Variants in POMK observed in about 807,000 individuals in gnomAD.
POMK encodes Sugen kinase 196.
POMK carries 19 observed loss-of-function variants against 23.0 expected under a neutral mutation model. That is an observed-to-expected ratio of 0.83 (90% CI 0.58 to 1.21). The LOEUF (loss-of-function observed/expected upper bound fraction) is 1.21. Ranked by LOEUF, POMK falls within the 50% of genes most tolerant of loss-of-function variation. The pLI is 0.00. For missense variants in POMK, 410 were observed against 431.3 expected (o/e 0.95, Z 0.44); for synonymous variants, 173 against 171.6 (o/e 1.01, Z -0.06).
At chr8:43,099,673 C>T (rs1193286346) in intron 2 of POMK, among the ~76,000 whole-genome samples, 1 of 152,120 alleles carries the variant, frequency 6.6e-6, no homozygotes, top group Admixed American at 6.5e-5. Flanking sequence ...AGTTTGGGTG[C>T]AGTGGCAGTG....
intron 2 of POMK, 78 bp downstream of exon 2, chr8:43,097,693 G>A (rs1811362517): frequency 6.6e-6 from 1 of 152,254 alleles, no homozygotes; most frequent in Non-Finnish European, 1.5e-5. Flanking sequence ...CAGTTGTGAG[G>A]GAGGTTTTGG....
chr8:43,113,189 A>G (rs1161513601), intron 4 of POMK, among the ~76,000 whole-genome samples: 2 of 152,152 alleles, frequency 1.3e-5, no homozygotes, highest in Non-Finnish European at 2.9e-5. Context: ...TCTCCTGGAT[A>G]ATATCCTGCA....
chr8:43,119,279 A>G (rs186529504), intron 4 of POMK, among the ~76,000 whole-genome samples: 41 of 152,264 alleles, frequency 2.7e-4, no homozygotes, highest in African/African-American at 8.9e-4. Context: ...TTCGTATTAG[A>G]GCCAATTATC....
At chr8:43,100,498 T>C (rs1465194960) in intron 2 of POMK, among the ~76,000 whole-genome samples, 1 of 150,448 alleles carries the variant, frequency 6.6e-6, no homozygotes, top group Non-Finnish European at 1.5e-5. Context: ...GGGGTGTGTA[T>C]GGTGTTAGTG....
chr8:43,117,045 G>A (rs891227733), intron 4 of POMK, among the ~76,000 whole-genome samples: 1 of 152,178 alleles, frequency 6.6e-6, no homozygotes, highest in Admixed American at 6.5e-5. Flanking sequence ...GCCAGGATGA[G>A]CCAGGAAAAG....
At position 43,122,651 on chromosome 8, in the gene POMK, A is replaced by T. The variant is rs1811945936; in HGVS notation, c.827A>T (p.Tyr276Phe). The T allele has an allele frequency of 6.2e-7, 1 of 1,614,070 alleles. No individual in the cohort carries two copies. The highest frequency in any genetic ancestry group is 1.7e-5 in the Admixed American group (1 of 60,008). Residue 276 changes from tyrosine (Y) to phenylalanine (F), a missense_variant, in exon 5 of 5, where the codon TAT becomes TTT. Tyr to Phe is a conservative substitution (Grantham distance 22). Coordinates refer to ENST00000331373, the MANE Select transcript of POMK (RefSeq NM_032237.5). ...TTCCACGATGATCTCATGCCCTCAT[A>T]TGATGAGAAGATTGACATTTGGAAG... ...VPFHDDLMPS[Y>F]DEKIDIWKIP...
At chr8:43,107,800 C>T (rs887475509) in intron 4 of POMK, among the ~76,000 whole-genome samples, 2 of 152,122 alleles carry the variant, frequency 1.3e-5, no homozygotes, top group African/African-American at 4.8e-5. Context: ...TCTGCCTCAG[C>T]CTCTCGAGTA....
chr8:43,112,181 C>T (rs138352779), intron 4 of POMK, among the ~76,000 whole-genome samples: 7,578 of 152,118 alleles, frequency 0.05, 386 homozygotes, highest in African/African-American at 0.13. Context: ...AAAAATTAGA[C>T]GAATGGCTAA....
intron 4 of POMK, among the ~76,000 whole-genome samples, chr8:43,114,468 G>A (rs1241778130): frequency 6.6e-6 from 1 of 152,212 alleles, no homozygotes; most frequent in Non-Finnish European, 1.5e-5. Context: ...TGGGAAAAGT[G>A]CAGTATTAGG....
intron 4 of POMK, among the ~76,000 whole-genome samples, chr8:43,114,658 C>G (rs1312423627): frequency 6.6e-6 from 1 of 152,262 alleles, no homozygotes; most frequent in African/African-American, 2.4e-5. Flanking sequence ...GTGAGGTGAA[C>G]CTGGTACCTC....
At chr8:43,097,776 C>T (rs1811363725) in intron 2 of POMK, among the ~76,000 whole-genome samples, 161 bp downstream of exon 2, 1 of 152,116 alleles carries the variant, frequency 6.6e-6, no homozygotes, top group Admixed American at 6.6e-5. Context: ...TCACACACAC[C>T]TGGTCTGTAA....
intron 4 of POMK, among the ~76,000 whole-genome samples, chr8:43,104,799 C>T (rs149383670): frequency 0.017 from 2,551 of 152,132 alleles, 81 homozygotes; most frequent in African/African-American, 0.058. Context: ...CAAAAATTAG[C>T]CTGGCATAAT....
chr8:43,117,919 C>A (rs562909819), intron 4 of POMK, among the ~76,000 whole-genome samples: 3 of 152,062 alleles, frequency 2.0e-5, no homozygotes, highest in Non-Finnish European at 4.4e-5. Context: ...AATATTTGTG[C>A]ATGTACATAG....
chr8:43,122,667 C>G lies in POMK; in HGVS notation c.843C>G (p.Asp281Glu). Residue 281 changes from aspartate to glutamate, a missense_variant, in exon 5 of 5, where the codon GAC becomes GAG. By Grantham distance (45) the Asp-to-Glu change is conservative. Coordinates refer to ENST00000331373, the MANE Select transcript of POMK (RefSeq NM_032237.5). ...DLMPSYDEKI[D>E]IWKIPDISSF... The stretch of plus-strand genomic sequence containing the variant: ...TGCCCTCATATGATGAGAAGATTGA[C>G]ATTTGGAAGATCCCAGACATCTCCA... 6.2e-7 allele frequency: 1 copy of G among 1,614,156 alleles called. No individual in the cohort carries two copies. Among genetic ancestry groups the G allele is most frequent in the East Asian group, 2.2e-5 (1 of 44,884 alleles).
intron 4 of POMK, among the ~76,000 whole-genome samples, chr8:43,105,253 A>T (rs145290945): frequency 6.6e-6 from 1 of 152,168 alleles, no homozygotes; most frequent in Non-Finnish European, 1.5e-5. Context: ...TAGTCATCCT[A>T]TGGTGCTATG....
rs769629128 is a variant in POMK at position 43,122,686 on chromosome 8, A to T, written c.862A>T (p.Ile288Phe). ...GATTGACATTTGGAAGATCCCAGAC[A>T]TCTCCAGTTTCCTTCTGGGGCACAT... is the stretch of plus-strand genomic sequence containing the variant. ...EKIDIWKIPD[I>F]SSFLLGHIEG... is the part of the protein sequence containing the mutation. Residue 288 changes from isoleucine to phenylalanine, a missense_variant, in exon 5 of 5, where the codon ATC (isoleucine) becomes TTC (phenylalanine). Ile to Phe is a conservative substitution (Grantham distance 21). Transcript: ENST00000331373. 9 of 1,614,120 alleles carry T rather than the reference A, an allele frequency of 5.6e-6. No individual in the cohort carries two copies. Among genetic ancestry groups the T allele is most frequent in the South Asian group, 5.5e-5 (5 of 91,082 alleles).
chr8:43,106,136 C>T (rs1228440137), intron 4 of POMK, among the ~76,000 whole-genome samples: 4 of 152,206 alleles, frequency 2.6e-5, no homozygotes, highest in Admixed American at 6.5e-5. Context: ...TCCCATTTCT[C>T]TGCATCTTCA....
intron 4 of POMK, among the ~76,000 whole-genome samples, chr8:43,119,433 C>CTTTTTT (rs907663234): frequency 2.6e-4 from 25 of 95,986 alleles, no homozygotes; most frequent in East Asian, 3.1e-4. Flanking sequence ...TGAAAAACAG[C>CTTTTTT]TTTTTTTTTT....
intron 4 of POMK, among the ~76,000 whole-genome samples, chr8:43,115,449 A>G (rs1170932792): frequency 6.6e-6 from 1 of 152,106 alleles, no homozygotes; most frequent in Non-Finnish European, 1.5e-5. Context: ...TCCTAACTCC[A>G]TCAGTCCTGC....
Sources: gnomAD v4.1 joint callset for allele counts (sites outside exome capture counted in the v4.1 genomes callset) on GRCh38, gnomAD v4.1.1 for gene constraint, MANE v1.5 for transcripts, NCBI Gene and HGNC (gene_info 2026-07-23, HGNC 2026-07-21) for gene names.